DPF3: variants seen among roughly 807,000 people sequenced by gnomAD.
The protein encoded by DPF3 is zinc finger protein DPF3.
Under a neutral mutation model 56.8 loss-of-function variants are expected in DPF3, and 18 were observed. The observed-to-expected ratio is 0.32, with a 90% confidence interval of 0.22 to 0.47. DPF3 has a LOEUF of 0.47. Ranked by LOEUF, DPF3 falls within the 20% of genes least tolerant of loss-of-function variation. The pLI is 1.00. For synonymous variants in DPF3, 188 were observed against 180.2 expected, an observed-to-expected ratio of 1.04 and a Z score of -0.35; for missense variants, 403 against 488.8, an observed-to-expected ratio of 0.82 and a Z score of 1.65.
chr14:72,882,844 C>T (rs944475153), intron 1 of DPF3, among the ~76,000 whole-genome samples: 3 of 152,056 alleles, frequency 2.0e-5, no homozygotes, highest in Admixed American at 6.6e-5. Flanking sequence ...TAGGAAAAGC[C>T]GAGGGCAGCA....
intron 2 of DPF3, among the ~76,000 whole-genome samples, chr14:72,753,641 T>C (rs1218492582): frequency 6.6e-6 from 1 of 152,132 alleles, no homozygotes; most frequent in African/African-American, 2.4e-5. Context: ...TCTGCTCTCC[T>C]GCCTGGAGAG....
chr14:72,863,058 TTATATATATATA>T lies in DPF3; in HGVS notation c.32+30987_32+30998del, dbSNP rs58405648. Among the ~76,000 whole-genome samples, 281 of 139,912 alleles carry T rather than the reference TTATATATATATA, an allele frequency of 2.0e-3. 2 individuals carry two copies. The Middle Eastern group carries it at 0.022, about 11-fold the overall frequency. The allele number at this position is 139,912 out of a possible 152,430, so 91.8% of individuals were successfully genotyped here. On this transcript the variant is annotated intron_variant, in intron 1 of 10. Transcript: ENST00000556509. ...TCTCCTTCCAGATATATTATTCCAT[TTATATATATATA>T]TATATATATATATATATATATATAT... is the stretch of plus-strand genomic sequence containing the variant.
intron 1 of DPF3, among the ~76,000 whole-genome samples, chr14:72,809,478 A>C (rs748602216): frequency 1.6e-4 from 24 of 152,140 alleles, no homozygotes; most frequent in Non-Finnish European, 2.8e-4. Context: ...CTCCCAACTT[A>C]TGTGCAGGCA....
chr14:72,777,464 G>A (rs559041113), intron 1 of DPF3, among the ~76,000 whole-genome samples: 24 of 152,106 alleles, frequency 1.6e-4, no homozygotes, highest in Non-Finnish European at 2.4e-4. Flanking sequence ...GAATTGTGTC[G>A]TTCCTCCTCA....
rs1892410041 is a variant in DPF3, at chr14:72,791,082, C to T, written c.33-19189G>A. The stretch of plus-strand genomic sequence containing the variant: ...CACTGAAGGTCACAGCTCCTGTGGG[C>T]CAGCCCTCTTCATACAGCTACCTCT... On this transcript the variant is annotated intron_variant, in intron 1 of 10. Transcript: ENST00000556509. Among the ~76,000 whole-genome samples, 5 of 152,150 alleles carry T rather than the reference C, an allele frequency of 3.3e-5. 1 individual carries two copies. In the South Asian group the frequency reaches 1.0e-3, roughly 32 times the overall value.
chr14:72,832,249 T>A (rs184220311), intron 1 of DPF3, among the ~76,000 whole-genome samples: 1 of 151,952 alleles, frequency 6.6e-6, no homozygotes, highest in East Asian at 1.9e-4. Flanking sequence ...AAATAAAAAA[T>A]TTTGAGGGAG....
chr14:72,664,501 C>A (rs1886363033), intron 8 of DPF3, among the ~76,000 whole-genome samples: 1 of 152,122 alleles, frequency 6.6e-6, no homozygotes, highest in Admixed American at 6.5e-5. Context: ...TTCTTAGTCT[C>A]CTGCTCTCAA....
At chr14:72,707,262 T>C (rs1373872076) in intron 6 of DPF3, among the ~76,000 whole-genome samples, 1 of 152,200 alleles carries the variant, frequency 6.6e-6, no homozygotes, top group East Asian at 1.9e-4. Flanking sequence ...GTCTTTGCTA[T>C]TGTGAATAGT....
intron 7 of DPF3, among the ~76,000 whole-genome samples, chr14:72,686,515 T>C: frequency 6.6e-6 from 1 of 152,228 alleles, no homozygotes; most frequent in East Asian, 1.9e-4. Context: ...ATTCACACCC[T>C]GGACTGACCA....
In DPF3 at chr14:72,611,652, TG is replaced by T. The variant is rs1883733662; in HGVS notation, c.*7644del. On this transcript the variant is annotated 3_prime_UTR_variant, in exon 11 of 11. Transcript: ENST00000556509. ...AACCCACAAGCAGCTCTGGGGACAC[TG>T]GCTGCCCAACACACTCCAGGCCAGG... Among the ~76,000 whole-genome samples, 1 of 152,166 alleles carries T rather than the reference TG, an allele frequency of 6.6e-6. No homozygotes were observed. Among genetic ancestry groups the T allele is most frequent in the African/African-American group, 2.4e-5 (1 of 41,440 alleles).
chr14:72,657,393 T>C (rs1209548030), intron 8 of DPF3, among the ~76,000 whole-genome samples: 1 of 152,214 alleles, frequency 6.6e-6, no homozygotes, highest in Admixed American at 6.5e-5. Context: ...GGATTATTCA[T>C]AGACACTTCT....
At position 72,813,777 on chromosome 14, in the gene DPF3, G is replaced by C. The variant is rs967237584; in HGVS notation, c.33-41884C>G. Among the ~76,000 whole-genome samples, 13 of 152,206 alleles carry C rather than the reference G, an allele frequency of 8.5e-5. No individual in the cohort carries two copies. The East Asian group carries it at 9.7e-4, about 11-fold the overall frequency. On this transcript the variant is annotated intron_variant, in intron 1 of 10. Coordinates refer to ENST00000556509, the MANE Select transcript of DPF3 (RefSeq NM_001280542.3). ...CAAATAATGAAGCTGCTCTTACAGA[G>C]TTGGTGAGAGGACTAAATGAGATGA...
At chr14:72,666,607 T>C (rs762333849) in intron 8 of DPF3, among the ~76,000 whole-genome samples, 18 of 152,330 alleles carry the variant, frequency 1.2e-4, no homozygotes, top group Non-Finnish European at 2.4e-4. Flanking sequence ...CCCTACCTCA[T>C]AGAGTTAAGC....
At position 72,714,369 on chromosome 14, in the gene DPF3, G is replaced by A. The variant is rs1888802333; in HGVS notation, c.604+54C>T. 4.2e-5 allele frequency: 67 copies of A among 1,598,320 alleles called. 1 individual carries two copies. In the South Asian group the frequency reaches 7.3e-4, roughly 17 times the overall value. ...GGCCAAGGAAGCACAGGGAAGAGGG[G>A]CCCTGGGGGCAGGCGCACAGGGAGG... On this transcript the variant is annotated intron_variant, in intron 6 of 10. Transcript: ENST00000556509.
intron 4 of DPF3, among the ~76,000 whole-genome samples, chr14:72,727,946 C>T (rs1889475386): frequency 6.6e-6 from 1 of 152,194 alleles, no homozygotes; most frequent in Non-Finnish European, 1.5e-5. Context: ...ACAGCAGACC[C>T]ATGCGCTGCA....
In DPF3 at chr14:72,674,235, C is replaced by T; in HGVS notation, c.871+5G>A. On this transcript the variant is annotated splice_donor_5th_base_variant and intron_variant, in intron 8 of 10. Transcript: ENST00000556509. ...GCACCCGGTGTGGGAAGGGGCCACA[C>T]TCACCAGAGCGTCCACAGTCTGCGC... The T allele has an allele frequency of 6.2e-7, 1 of 1,611,636 alleles. No homozygotes were observed. Among genetic ancestry groups the T allele is most frequent in the Non-Finnish European group, 8.5e-7 (1 of 1,178,978 alleles).
chr14:72,728,004 G>A (rs771459827), intron 4 of DPF3, among the ~76,000 whole-genome samples: 17 of 152,102 alleles, frequency 1.1e-4, no homozygotes, highest in Non-Finnish European at 1.5e-4. Flanking sequence ...ACATGATGAC[G>A]ACAATACAGC....
chr14:72,774,741 AAACT>A (rs1359521642), intron 1 of DPF3, among the ~76,000 whole-genome samples: 1 of 152,224 alleles, frequency 6.6e-6, no homozygotes, highest in East Asian at 1.9e-4. Context: ...TTGCAAAACC[AAACT>A]GTAATCAAAT....
At chr14:72,648,664 C>T (rs961448367) in intron 8 of DPF3, among the ~76,000 whole-genome samples, 1 of 152,098 alleles carries the variant, frequency 6.6e-6, no homozygotes, top group African/African-American at 2.4e-5. Flanking sequence ...TGTCTCCCTC[C>T]TATTACCGGG....
Sources: gnomAD v4.1 joint callset for allele counts (sites outside exome capture counted in the v4.1 genomes callset) on GRCh38, gnomAD v4.1.1 for gene constraint, MANE v1.5 for transcripts, NCBI Gene and HGNC (gene_info 2026-07-23, HGNC 2026-07-21) for gene names.